The following NEDD4L variants were observed in gnomAD, a reference collection of about 807,000 sequenced individuals.
NEDD4L encodes E3 ubiquitin-protein ligase NEDD4-like.
Under a neutral mutation model 148.9 loss-of-function variants are expected in NEDD4L, and 54 were observed. That is an observed-to-expected ratio of 0.36 (90% CI 0.29 to 0.45). The LOEUF is 0.45. Ranked by LOEUF, NEDD4L falls within the 20% of genes least tolerant of loss-of-function variation. NEDD4L has a pLI of 1.00. For missense variants in NEDD4L, 856 were observed against 1,233.8 expected (o/e 0.69, Z 4.59); for synonymous variants, 433 against 440.7 (o/e 0.98, Z 0.22).
chr18:58,273,227 G>T (rs1024735812), intron 5 of NEDD4L, among the ~76,000 whole-genome samples: 2 of 152,234 alleles, frequency 1.3e-5, no homozygotes. Context: ...ACACAGTCAT[G>T]CATCTGATAT....
At chr18:58,146,029 C>A (rs903229151) in intron 1 of NEDD4L, among the ~76,000 whole-genome samples, 2 of 152,144 alleles carry the variant, frequency 1.3e-5, no homozygotes, top group African/African-American at 4.8e-5. Flanking sequence ...TTCTCAGTCT[C>A]CCTCAGAATC....
chr18:58,180,496 C>A (rs149868300), intron 2 of NEDD4L, among the ~76,000 whole-genome samples: 1 of 152,318 alleles, frequency 6.6e-6, no homozygotes, highest in East Asian at 1.9e-4. Flanking sequence ...AGCTCCCTAC[C>A]CCCTTTCTGT....
chr18:58,221,803 C>T, intron 2 of NEDD4L: 2 of 785,908 alleles, frequency 2.5e-6, no homozygotes, highest in Non-Finnish European at 3.1e-6. Context: ...GAATGCATAA[C>T]ATCTGTTCTT....
At chr18:58,087,452 C>G (rs796674501) in intron 1 of NEDD4L, among the ~76,000 whole-genome samples, 3 of 152,298 alleles carry the variant, frequency 2.0e-5, no homozygotes, top group South Asian at 2.1e-4. Context: ...TCCAAAGTCA[C>G]TCACACATTT....
chr18:58,361,350 A>G (rs146513932), intron 19 of NEDD4L, among the ~76,000 whole-genome samples: 1 of 152,236 alleles, frequency 6.6e-6, no homozygotes, highest in East Asian at 1.9e-4. Context: ...TGCTCTGTGT[A>G]TAGCAGATAT....
rs190648824 is a variant in NEDD4L at position 58,296,438 on chromosome 18, G to A, written c.298-19544G>A. 6.6e-5 allele frequency among the ~76,000 whole-genome samples: 10 copies of A among 152,308 alleles called. No individual in the cohort carries two copies. In the South Asian group the frequency reaches 1.5e-3, roughly 22 times the overall value. On this transcript the variant is annotated intron_variant, in intron 5 of 30. Coordinates refer to ENST00000400345, the MANE Select transcript of NEDD4L (RefSeq NM_001144967.3). ...TTATCCTCTCACAGTTTTGGAGGCCGCTTCAAAGTAGGTGTCACTGAACTG... is the reference window on the plus strand; with the variant it reads ...TTATCCTCTCACAGTTTTGGAGGCCACTTCAAAGTAGGTGTCACTGAACTG...
chr18:58,105,108 T>A (rs2084988726), intron 1 of NEDD4L, among the ~76,000 whole-genome samples: 1 of 152,120 alleles, frequency 6.6e-6, no homozygotes, highest in African/African-American at 2.4e-5. Context: ...ATGGTAACTA[T>A]CAGAGCAGTT....
chr18:58,222,127 G>A (rs745918921), intron 2 of NEDD4L, among the ~76,000 whole-genome samples: 25 of 152,172 alleles, frequency 1.6e-4, no homozygotes, highest in Non-Finnish European at 2.6e-4. Flanking sequence ...GACCGCTGAA[G>A]TTCTATGAAT....
At chr18:58,258,849 G>A (rs943043358) in intron 5 of NEDD4L, among the ~76,000 whole-genome samples, 25 of 152,294 alleles carry the variant, frequency 1.6e-4, no homozygotes, top group African/African-American at 5.5e-4. Context: ...ATGGACAGGG[G>A]TGTTAAGTTT....
intron 2 of NEDD4L, among the ~76,000 whole-genome samples, chr18:58,180,514 C>T (rs966151947): frequency 3.3e-5 from 5 of 152,188 alleles, no homozygotes; most frequent in Admixed American, 6.5e-5. Context: ...TGTGCTTGGC[C>T]GACTCCAGCG....
chr18:58,180,059 A>G (rs1010412901), intron 2 of NEDD4L, among the ~76,000 whole-genome samples: 1 of 152,116 alleles, frequency 6.6e-6, no homozygotes, highest in Non-Finnish European at 1.5e-5. Context: ...CCACCTAGGT[A>G]TAGAATTCTA....
chr18:58,345,845 G>A (rs893925979), intron 16 of NEDD4L, among the ~76,000 whole-genome samples: 2 of 151,690 alleles, frequency 1.3e-5, no homozygotes, highest in South Asian at 2.1e-4. Context: ...GGGTTCATGC[G>A]ATTCTCTTGC....
At chr18:58,218,729 C>T (rs1011871242) in intron 2 of NEDD4L, among the ~76,000 whole-genome samples, 15 of 152,308 alleles carry the variant, frequency 9.8e-5, no homozygotes, top group South Asian at 4.2e-4. Context: ...AGTAGTGCCC[C>T]GGTAAAAGAA....
intron 2 of NEDD4L, among the ~76,000 whole-genome samples, chr18:58,190,312 G>A (rs1397061254): frequency 6.6e-6 from 1 of 152,098 alleles, no homozygotes; most frequent in Non-Finnish European, 1.5e-5. Flanking sequence ...TTAAGATGAA[G>A]CATTGCTTAT....
intron 1 of NEDD4L, among the ~76,000 whole-genome samples, chr18:58,089,841 C>CTT (rs759472299): frequency 1.5e-3 from 200 of 137,906 alleles, no homozygotes; most frequent in Middle Eastern, 3.6e-3. Flanking sequence ...CTTCCTTTTC[C>CTT]TTTTTTTTTT....
At chr18:58,096,129 A>G (rs2084377801) in intron 1 of NEDD4L, among the ~76,000 whole-genome samples, 2 of 151,798 alleles carry the variant, frequency 1.3e-5, no homozygotes, top group South Asian at 2.1e-4. Context: ...TTCCTCATGA[A>G]CTCCTTGGTA....
intron 1 of NEDD4L, among the ~76,000 whole-genome samples, chr18:58,094,632 T>C (rs17064331): frequency 0.1 from 15,405 of 152,110 alleles, 937 homozygotes; most frequent in Admixed American, 0.16. Flanking sequence ...GTGGACTGTG[T>C]TTATTCGTAA....
chr18:58,149,277 C>CAG, intron 1 of NEDD4L: 1 of 729,186 alleles, frequency 1.4e-6, no homozygotes, highest in Non-Finnish European at 1.9e-6. Context: ...ACCTTGGTGT[C>CAG]CAGGTGGCAG....
intron 2 of NEDD4L, among the ~76,000 whole-genome samples, chr18:58,202,746 T>C (rs1161938964): frequency 1.3e-5 from 2 of 152,232 alleles, no homozygotes; most frequent in Non-Finnish European, 1.5e-5. Context: ...ACAGCCTTCA[T>C]CCTTCGCCAT....
Sources: gnomAD v4.1 joint callset for allele counts (sites outside exome capture counted in the v4.1 genomes callset) on GRCh38, gnomAD v4.1.1 for gene constraint, MANE v1.5 for transcripts, NCBI Gene and HGNC (gene_info 2026-07-23, HGNC 2026-07-21) for gene names.